The following RPP14 variants were observed in gnomAD, a reference collection of about 807,000 sequenced individuals.
The protein encoded by RPP14 is ribonuclease P/MRP subunit p14, also known as ribonuclease P protein subunit p14.
In RPP14, 19 loss-of-function variants were observed where a neutral mutation model predicts 17.8. The ratio of observed to expected loss-of-function variants is 1.07; its 90% CI spans 0.74 to 1.57. The LOEUF (loss-of-function observed/expected upper bound fraction) is 1.57. RPP14 is among the 40% of genes most tolerant of loss of function. The pLI is 0.00. For synonymous variants in RPP14, 60 were observed against 56.4 expected, an observed-to-expected ratio of 1.06 and a Z score of -0.29; for missense variants, 125 against 140.8, an observed-to-expected ratio of 0.89 and a Z score of 0.57.
intron 3 of RPP14, 125 bp from the exon 4 acceptor site, chr3:58,316,390 C>G (rs1480615142): frequency 4.9e-6 from 4 of 822,356 alleles, no homozygotes; most frequent in Non-Finnish European, 6.0e-6. Context: ...AAAGTGCCAG[C>G]ACCATTAAAT....
At chr3:58,307,633 C>G (rs2097476947) in intron 1 of RPP14, 1 of 152,100 alleles carries the variant, frequency 6.6e-6, no homozygotes, top group Non-Finnish European at 1.5e-5. Flanking sequence ...GACTGAGGAG[C>G]GAGAATTGCT....
At chr3:58,316,429 C>A in intron 3 of RPP14, 86 bp from the exon 4 acceptor site, 1 of 1,263,248 alleles carries the variant, frequency 7.9e-7, no homozygotes, top group Non-Finnish European at 1.2e-6. Context: ...AGGAGAAAAG[C>A]TCAAAACTCA....
At chr3:58,312,338 C>CCCCT (rs1050195734) in intron 3 of RPP14, among the ~76,000 whole-genome samples, 1 of 127,680 alleles carries the variant, frequency 7.8e-6, no homozygotes, top group Non-Finnish European at 1.7e-5. Flanking sequence ...CTCCGCACCC[C>CCCCT]CCCCCGCCCC....
intron 3 of RPP14, among the ~76,000 whole-genome samples, chr3:58,314,675 A>AATT (rs2097486311): frequency 1.1e-5 from 1 of 90,558 alleles, no homozygotes; most frequent in African/African-American, 4.4e-5. Context: ...GTTTGGCAGT[A>AATT]TTTTTTTTTT....
At chr3:58,311,067 C>G (rs1481204633) in intron 3 of RPP14, among the ~76,000 whole-genome samples, 1 of 151,926 alleles carries the variant, frequency 6.6e-6, no homozygotes, top group Admixed American at 6.6e-5. Flanking sequence ...CCTTCATCCT[C>G]TCTACCCTCC....
chr3:58,313,876 A>G (rs1471193926), intron 3 of RPP14, among the ~76,000 whole-genome samples: 1 of 152,014 alleles, frequency 6.6e-6, no homozygotes, highest in Non-Finnish European at 1.5e-5. Flanking sequence ...ACAAAGGACT[A>G]TAGTGTCTAG....
At chr3:58,306,622 C>A (rs2097475122) in intron 1 of RPP14, 2 of 151,992 alleles carry the variant, frequency 1.3e-5, no homozygotes, top group Non-Finnish European at 2.9e-5. Context: ...GGGACCGTGT[C>A]CTGAGCGCTC....
chr3:58,313,114 CCGGGCGCAGCGG>C (rs908004921), intron 3 of RPP14, among the ~76,000 whole-genome samples: 5 of 151,814 alleles, frequency 3.3e-5, no homozygotes, highest in Non-Finnish European at 5.9e-5. Context: ...ACACAAAAAG[CCGGGCGCAGCGG>C]CGGGCACCTG....
chr3:58,317,952 C>T lies in RPP14; in HGVS notation c.*456C>T. 2 of 702,888 alleles carry T rather than the reference C, an allele frequency of 2.8e-6. No homozygotes were observed. The highest frequency in any genetic ancestry group is 2.6e-6 in the Non-Finnish European group (1 of 384,962). 43.5% of individuals were successfully genotyped at this position (702,888 alleles called of 1,614,324 possible). A position where few individuals can be genotyped will look rare whatever the true frequency, so the allele number is the denominator to read the frequency against. On this transcript the variant is annotated 3_prime_UTR_variant, in exon 6 of 6. Transcript: ENST00000295959. ...GTGTATTTCTTTCCCAGGAAATTAGCTTTCCAGCCCCTTTATATATTGGAG... is the reference window on the plus strand; with the variant it reads ...GTGTATTTCTTTCCCAGGAAATTAGTTTTCCAGCCCCTTTATATATTGGAG...
In RPP14 at chr3:58,316,920, T is replaced by G; in HGVS notation, c.245T>G (p.Leu82Arg). ...TTTTCTTGATCTTTCTGCAGTGGTC[T>G]TGTCAAATTGTGGAGCTCTTTGACC... ...SAILRICSSG[L>R]VKLWSSLTLL... The change falls in exon 5 of 6, where the codon CTT becomes CGT. Residue 82 changes from leucine (L) to arginine (R), a missense_variant. Transcript: ENST00000295959. 1 of 1,613,378 alleles carries G rather than the reference T, an allele frequency of 6.2e-7. No homozygotes were observed. Among genetic ancestry groups the G allele is most frequent in the Non-Finnish European group, 8.5e-7 (1 of 1,179,514 alleles).
chr3:58,310,553 C>T lies in RPP14; in HGVS notation c.124C>T (p.Gln42Ter). Residue 42 changes from glutamine (Q) to a stop codon, truncating the protein, a stop_gained, in exon 3 of 6, where the codon CAG becomes TAG. Coordinates refer to ENST00000295959, the MANE Select transcript of RPP14 (RefSeq NM_007042.6). LOFTEE classifies it high-confidence loss of function. Reference protein sequence around the residue: ...GVGLNAAQFKQLLISAVKDLF... With the variant: ...GVGLNAAQFK ...TGGACTGAATGCTGCACAGTTCAAA[C>T]AGCTGCTTATTTCGGCTGTGAAGGA... is the stretch of plus-strand genomic sequence containing the variant. 6.2e-7 allele frequency: 1 copy of T among 1,612,612 alleles called. No individual in the cohort carries two copies. Among genetic ancestry groups the T allele is most frequent in the Non-Finnish European group, 8.5e-7 (1 of 1,179,630 alleles).
intron 1 of RPP14, chr3:58,307,687 T>C (rs1311610092): frequency 6.6e-6 from 1 of 152,186 alleles, no homozygotes; most frequent in Non-Finnish European, 1.5e-5. Context: ...TGAGACTCCA[T>C]CTCAAAACAA....
In RPP14 at chr3:58,319,779, A is replaced by G. The variant is rs1263977672; in HGVS notation, c.*2283A>G. 6.6e-6 allele frequency: 1 copy of G among 152,152 alleles called. No individual in the cohort carries two copies. The highest frequency in any genetic ancestry group is 1.5e-5 in the Non-Finnish European group (1 of 68,024). 9.4% of individuals were successfully genotyped at this position (152,152 alleles called of 1,614,324 possible). On this transcript the variant is annotated 3_prime_UTR_variant, in exon 6 of 6. Transcript: ENST00000295959. ...CTAAATGGCCATCCCAACACAGCCAACACTTTTGTTTCCCATTTTTTTTTG... is the reference window on the plus strand; with the variant it reads ...CTAAATGGCCATCCCAACACAGCCAGCACTTTTGTTTCCCATTTTTTTTTG...
At chr3:58,313,125 G>C (rs1251207829) in intron 3 of RPP14, among the ~76,000 whole-genome samples, 2 of 151,878 alleles carry the variant, frequency 1.3e-5, no homozygotes, top group East Asian at 3.9e-4. Context: ...CGGGCGCAGC[G>C]GCGGGCACCT....
chr3:58,310,135 A>C (rs907297157), intron 1 of RPP14, 174 bp from the exon 2 acceptor site: 36 of 575,716 alleles, frequency 6.3e-5, no homozygotes, highest in Admixed American at 9.2e-5. Context: ...CGAGAGCCAG[A>C]GGTGGAGGCT....
chr3:58,316,405 T>C lies in RPP14; in HGVS notation c.163-110T>C. 3.1e-6 allele frequency: 3 copies of C among 966,728 alleles called. No homozygotes were observed. In the South Asian group the frequency reaches 4.2e-5, roughly 13 times the overall value. 59.9% of individuals were successfully genotyped at this position (966,728 alleles called of 1,614,324 possible). On this transcript the variant is annotated intron_variant, in intron 3 of 5. Transcript: ENST00000295959. ...AAAGTGCCAGCACCATTAAATAAAATACTGCTTATGTGGAGGAGAAAAGCT... is the reference window on the plus strand; with the variant it reads ...AAAGTGCCAGCACCATTAAATAAAACACTGCTTATGTGGAGGAGAAAAGCT...
chr3:58,307,803 C>T (rs2097477140), intron 1 of RPP14: 1 of 152,074 alleles, frequency 6.6e-6, no homozygotes, highest in Admixed American at 6.6e-5. Flanking sequence ...AAATAATTTC[C>T]CAGGTATCCT....
chr3:58,310,353 T>C lies in RPP14; in HGVS notation c.24T>C (p.Tyr8=), dbSNP rs1366764141. Residue 8 remains tyrosine (Y), a synonymous_variant, in exon 2 of 6, where the codon TAT becomes TAC. Coordinates refer to ENST00000295959, the MANE Select transcript of RPP14 (RefSeq NM_007042.6). The part of the protein sequence containing the change: MPAPAAT[Y]ERVVYKNPSE... ...AGATGCCTGCCCCTGCTGCCACATA[T>C]GAAAGAGTAGTTTACAAAAACCCTT... The C allele has an allele frequency of 6.2e-7, 1 of 1,614,208 alleles. No homozygotes were observed. The highest frequency in any genetic ancestry group is 8.5e-7 in the Non-Finnish European group (1 of 1,180,032).
intron 1 of RPP14, among the ~76,000 whole-genome samples, chr3:58,307,322 T>G (rs749924212): frequency 6.6e-6 from 1 of 152,132 alleles, no homozygotes; most frequent in Non-Finnish European, 1.5e-5. Context: ...TGAGTAGATG[T>G]TAATAGACTC....
Sources: gnomAD v4.1 joint callset for allele counts (sites outside exome capture counted in the v4.1 genomes callset) on GRCh38, gnomAD v4.1.1 for gene constraint, MANE v1.5 for transcripts, NCBI Gene and HGNC (gene_info 2026-07-23, HGNC 2026-07-21) for gene names.